The following CGGBP1 variants were observed in gnomAD, a reference collection of about 807,000 sequenced individuals.
CGGBP1 encodes CGG triplet repeat binding protein 1.
Under a neutral mutation model 11.4 loss-of-function variants are expected in CGGBP1, and 4 were observed. The observed-to-expected ratio is 0.35, with a 90% CI of 0.17 to 0.80. The LOEUF (loss-of-function observed/expected upper bound fraction) is 0.80, where lower values mean the gene tolerates loss of function less well. CGGBP1 is among the 30% of genes least tolerant of loss of function. CGGBP1 has a pLI of 0.52. For missense variants in CGGBP1, 135 were observed against 202.1 expected (o/e 0.67, Z 2.01); for synonymous variants, 76 against 74.1 (o/e 1.03, Z -0.13).
chr3:88,070,339 A>G (rs1707432660), intron 2 of CGGBP1, among the ~76,000 whole-genome samples: 1 of 152,140 alleles, frequency 6.6e-6, no homozygotes, highest in African/African-American at 2.4e-5. Context: ...TTAAAATTTT[A>G]TGCAGCCATA....
In CGGBP1 at chr3:88,055,322, GT is replaced by G. The variant is rs878955184; in HGVS notation, c.*150del. 3,535 of 570,056 alleles carry G rather than the reference GT, an allele frequency of 6.2e-3. No individual in the cohort carries two copies. Among genetic ancestry groups the G allele is most frequent in the South Asian group, 8.7e-3 (176 of 20,268 alleles). The allele number at this position is 570,056 out of a possible 1,614,324, so 35.3% of individuals were successfully genotyped here. ...TAACAATAAGTTTTGCAGTGAGGTG[GT>G]TTTTTTTTTGCCTGCAACTATATAC... On this transcript the variant is annotated 3_prime_UTR_variant, in exon 4 of 4. Coordinates refer to ENST00000482016, the MANE Select transcript of CGGBP1 (RefSeq NM_001008390.2). This position sits in a 1 kb window ranked among gnomAD's most constrained non-coding sequence, Gnocchi z 4.2.
chr3:88,080,088 A>G (rs2107642645), intron 2 of CGGBP1, among the ~76,000 whole-genome samples: 1 of 152,194 alleles, frequency 6.6e-6, no homozygotes, highest in African/African-American at 2.4e-5. Flanking sequence ...AAAAACAGTG[A>G]ATCTTCAGGT....
intron 3 of CGGBP1, chr3:88,056,685 G>A (rs918063127): frequency 6.6e-6 from 1 of 151,860 alleles, no homozygotes; most frequent in Non-Finnish European, 1.5e-5. Flanking sequence ...TCTAATACTT[G>A]TTTCCTTTTC....
At chr3:88,116,557 T>C (rs200360420) in intron 2 of CGGBP1, among the ~76,000 whole-genome samples, 4 of 25,502 alleles carry the variant, frequency 1.6e-4, no homozygotes, top group East Asian at 1.8e-3. Flanking sequence ...TACATACATA[T>C]ATATACACAC....
intron 2 of CGGBP1, among the ~76,000 whole-genome samples, chr3:88,078,809 A>AT (rs1014013213): frequency 6.6e-6 from 1 of 152,094 alleles, no homozygotes; most frequent in African/African-American, 2.4e-5. Flanking sequence ...ATGGATTAGT[A>AT]TTATTAACTG....
At chr3:88,080,893 G>A (rs771317226) in intron 2 of CGGBP1, among the ~76,000 whole-genome samples, 1 of 152,302 alleles carries the variant, frequency 6.6e-6, no homozygotes, top group African/African-American at 2.4e-5. Context: ...GAACAGGAAA[G>A]TAACATTGGT....
At chr3:88,116,686 G>T (rs1447803947) in intron 2 of CGGBP1, among the ~76,000 whole-genome samples, 2 of 151,810 alleles carry the variant, frequency 1.3e-5, no homozygotes, top group African/African-American at 4.8e-5. Flanking sequence ...GAGAATGAGG[G>T]TATGATCCAA....
chr3:88,073,893 A>C (rs1192495436), intron 2 of CGGBP1, among the ~76,000 whole-genome samples: 1 of 152,126 alleles, frequency 6.6e-6, no homozygotes, highest in African/African-American at 2.4e-5. Flanking sequence ...CTCATAATTT[A>C]TTTTCTCCTT....
intron 3 of CGGBP1, chr3:88,056,205 G>T: frequency 4.7e-6 from 2 of 425,098 alleles, no homozygotes; most frequent in Non-Finnish European, 8.3e-6. Flanking sequence ...TCGCAATCAG[G>T]TCCATTCCTT....
intron 2 of CGGBP1, among the ~76,000 whole-genome samples, chr3:88,091,862 C>CTG (rs1708649911): frequency 6.6e-6 from 1 of 152,194 alleles, no homozygotes; most frequent in African/African-American, 2.4e-5. Flanking sequence ...CCATGTAGAA[C>CTG]TGTGAGTCCA....
chr3:88,130,750 G>A (rs2107842362), intron 2 of CGGBP1, among the ~76,000 whole-genome samples: 1 of 151,522 alleles, frequency 6.6e-6, no homozygotes, highest in African/African-American at 2.4e-5. Context: ...GAGCCACTGT[G>A]CCTGGCCCTA....
intron 2 of CGGBP1, among the ~76,000 whole-genome samples, chr3:88,120,881 T>G (rs1705730397): frequency 6.6e-6 from 1 of 152,098 alleles, no homozygotes; most frequent in Non-Finnish European, 1.5e-5. Context: ...TAATTCAAAG[T>G]CTGATTTTAG....
At chr3:88,122,372 G>T (rs867504751) in intron 2 of CGGBP1, among the ~76,000 whole-genome samples, 3 of 152,268 alleles carry the variant, frequency 2.0e-5, no homozygotes, top group South Asian at 4.1e-4. Context: ...TTCATCCTAT[G>T]ATAAACTGCT....
intron 2 of CGGBP1, among the ~76,000 whole-genome samples, chr3:88,090,094 T>C (rs561419763): frequency 2.6e-5 from 4 of 152,342 alleles, no homozygotes; most frequent in East Asian, 3.9e-4. Context: ...AATTATATTA[T>C]TGATTTATGT....
At chr3:88,138,698 T>C (rs1459106296) in intron 2 of CGGBP1, 1 of 1,231,186 alleles carries the variant, frequency 8.1e-7, no homozygotes, top group Non-Finnish European at 1.0e-6. Context: ...TATTTTTCTT[T>C]TTACAGGTTG....
At chr3:88,059,085 A>G, upstream of CGGBP1, 4 of 785,368 alleles carry the variant, frequency 5.1e-6, no homozygotes, top group Non-Finnish European at 7.7e-6. Flanking sequence ...CAGACTGTCG[A>G]TTTCACCAAT....
At chr3:88,063,724 C>T (rs750859159), upstream of CGGBP1, among the ~76,000 whole-genome samples, 1 of 152,082 alleles carries the variant, frequency 6.6e-6, no homozygotes, top group East Asian at 1.9e-4. Flanking sequence ...TTAAGTGGTT[C>T]AAACAAGGTG....
At chr3:88,108,626 A>G (rs1043019352) in intron 2 of CGGBP1, among the ~76,000 whole-genome samples, 3 of 152,286 alleles carry the variant, frequency 2.0e-5, no homozygotes, top group African/African-American at 7.2e-5. Flanking sequence ...TCTACACTGT[A>G]TACGCTACCT....
At chr3:88,094,669 TA>T (rs1703953326) in intron 2 of CGGBP1, among the ~76,000 whole-genome samples, 1 of 152,164 alleles carries the variant, frequency 6.6e-6, no homozygotes, top group Admixed American at 6.6e-5. Context: ...CTTTAAAAGT[TA>T]TTCTTTAAAA....
Sources: allele counts gnomAD v4.1 joint callset (sites outside exome capture counted in the v4.1 genomes callset), GRCh38; gene constraint gnomAD v4.1.1; non-coding constraint Gnocchi (gnomAD v3.1); transcripts MANE v1.5; gene names NCBI Gene and HGNC (gene_info 2026-07-23, HGNC 2026-07-21).